RNF214: variants seen among roughly 807,000 people sequenced by gnomAD.
RNF214 encodes ring finger protein 214.
A neutral mutation model predicts 75.9 loss-of-function variants in RNF214; 25 were observed. The observed-to-expected ratio is 0.33, with a 90% CI of 0.24 to 0.46. RNF214 has a LOEUF of 0.46. Ranked by LOEUF, RNF214 falls within the 20% of genes least tolerant of loss-of-function variation. RNF214 has a pLI of 1.00. For synonymous variants in RNF214, 314 were observed against 308.8 expected (o/e 1.02, Z -0.18); for missense variants, 725 against 857.5 (o/e 0.85, Z 1.93).
intron 2 of RNF214, among the ~76,000 whole-genome samples, chr11:117,236,650 C>G (rs1314890276): frequency 1.3e-5 from 2 of 152,194 alleles, no homozygotes; most frequent in Non-Finnish European, 2.9e-5. Flanking sequence ...TACGTGGTAA[C>G]ACATTTAATC....
chr11:117,239,507 G>A (rs2033012592), intron 3 of RNF214: 1 of 469,742 alleles, frequency 2.1e-6, no homozygotes, highest in Non-Finnish European at 3.8e-6. Flanking sequence ...GTGCTTTGTT[G>A]TAGGAGAAAG....
intron 6 of RNF214, among the ~76,000 whole-genome samples, chr11:117,275,499 T>C (rs973195514): frequency 6.6e-6 from 1 of 152,164 alleles, no homozygotes; most frequent in African/African-American, 2.4e-5. Context: ...AATAGACCAT[T>C]AGGTAGATTA....
At chr11:117,251,210 A>C (rs1345574909) in intron 6 of RNF214, among the ~76,000 whole-genome samples, 4 of 107,758 alleles carry the variant, frequency 3.7e-5, no homozygotes, top group Admixed American at 9.6e-5. Flanking sequence ...GGCGCCCCGC[A>C]CCTCCCGGAC....
intron 6 of RNF214, among the ~76,000 whole-genome samples, chr11:117,266,421 G>A (rs1005299965): frequency 6.6e-6 from 1 of 151,692 alleles, no homozygotes; most frequent in Non-Finnish European, 1.5e-5. Flanking sequence ...GTGCAGTGGT[G>A]CAATCTTGGC....
chr11:117,261,017 C>T (rs935466582), intron 6 of RNF214, among the ~76,000 whole-genome samples: 1 of 151,532 alleles, frequency 6.6e-6, no homozygotes, highest in African/African-American at 2.4e-5. Flanking sequence ...TCCTTTCAAA[C>T]CCTTAAACCT....
intron 5 of RNF214, among the ~76,000 whole-genome samples, chr11:117,244,985 G>A (rs1225975244): frequency 6.6e-6 from 1 of 151,468 alleles, no homozygotes; most frequent in African/African-American, 2.4e-5. Flanking sequence ...AGCCATCCAT[G>A]CCCGGCTCAA....
At chr11:117,254,786 GCT>G (rs746508126) in intron 6 of RNF214, among the ~76,000 whole-genome samples, 29 of 151,936 alleles carry the variant, frequency 1.9e-4, no homozygotes, top group Admixed American at 3.9e-4. Context: ...ACCATGCCCG[GCT>G]AATTTTTTAT....
intron 1 of RNF214, among the ~76,000 whole-genome samples, chr11:117,232,928 A>T (rs899692355): frequency 1.1e-4 from 1 of 9,096 alleles, no homozygotes; most frequent in South Asian, 2.9e-3. Context: ...GGGGGGACCG[A>T]GGGGAAGGGG....
At chr11:117,262,672 A>G in intron 6 of RNF214, among the ~76,000 whole-genome samples, 1 of 150,476 alleles carries the variant, frequency 6.6e-6, no homozygotes, top group South Asian at 2.1e-4. Flanking sequence ...GTGAGCTACC[A>G]TGCCTGGCCC....
At chr11:117,237,602 T>A (rs664011) in intron 2 of RNF214, among the ~76,000 whole-genome samples, 109,683 of 152,028 alleles carry the variant, frequency 0.72, 41,227 homozygotes, top group East Asian at 0.94. Flanking sequence ...TGTTTTAAAG[T>A]CCCCTTTAAA....
In RNF214 at chr11:117,282,221, C is replaced by T; in HGVS notation, c.1663C>T (p.Leu555=). Residue 555 remains leucine, a synonymous_variant, in exon 11 of 15, where the codon CTG becomes TTG. Coordinates refer to ENST00000300650, the MANE Select transcript of RNF214 (RefSeq NM_207343.4). ...TCCCCGGCCCCAACCAGTAGACAAA[C>T]TGGAGAAGATCCTGGAGAAGCTGCT... ...ETPRPQPVDK[L]EKILEKLLTR... is the part of the protein sequence containing the mutation. The T allele has an allele frequency of 6.2e-7, 1 of 1,609,562 alleles. No homozygotes were observed.
chr11:117,264,147 C>G (rs1035235242), intron 6 of RNF214, among the ~76,000 whole-genome samples: 6 of 152,068 alleles, frequency 3.9e-5, no homozygotes, highest in Non-Finnish European at 7.4e-5. Flanking sequence ...ACGGTGAAAC[C>G]CCGTCTCTAC....
chr11:117,256,819 A>C (rs778345989), intron 6 of RNF214, among the ~76,000 whole-genome samples: 4 of 152,136 alleles, frequency 2.6e-5, no homozygotes, highest in Non-Finnish European at 4.4e-5. Flanking sequence ...GTTCATTGGG[A>C]GGGGCTCATC....
At chr11:117,276,413 C>A (rs1300783374) in intron 6 of RNF214, among the ~76,000 whole-genome samples, 2 of 152,042 alleles carry the variant, frequency 1.3e-5, no homozygotes, top group African/African-American at 4.8e-5. Flanking sequence ...AGTTCCAGAC[C>A]AGCTTGGGCA....
At chr11:117,233,386 C>T (rs2032788292) in intron 1 of RNF214, among the ~76,000 whole-genome samples, 1 of 152,100 alleles carries the variant, frequency 6.6e-6, no homozygotes, top group South Asian at 2.1e-4. Flanking sequence ...TGACACAGCC[C>T]CATCTACCTA....
intron 6 of RNF214, among the ~76,000 whole-genome samples, chr11:117,269,981 T>C (rs181007934): frequency 4.6e-5 from 7 of 152,326 alleles, no homozygotes; most frequent in Admixed American, 4.6e-4. Context: ...CCTGGACGTG[T>C]TGATGACTTC....
intron 6 of RNF214, among the ~76,000 whole-genome samples, chr11:117,269,602 A>G (rs1591836082): frequency 6.6e-6 from 1 of 152,218 alleles, no homozygotes; most frequent in African/African-American, 2.4e-5. Context: ...AGCTCAAGCA[A>G]TCCACCCGTC....
At chr11:117,246,985 TA>T in intron 6 of RNF214, 37 bp downstream of exon 6, 1 of 1,509,200 alleles carries the variant, frequency 6.6e-7, no homozygotes, top group Non-Finnish European at 8.9e-7. Flanking sequence ...TGTGTGTATG[TA>T]TATATGCATG....
At chr11:117,252,779 C>G (rs776398606) in intron 6 of RNF214, among the ~76,000 whole-genome samples, 1 of 152,160 alleles carries the variant, frequency 6.6e-6, no homozygotes, top group Non-Finnish European at 1.5e-5. Context: ...CTTGGCCTCC[C>G]AAAGTGCTGG....
Sources: allele counts gnomAD v4.1 joint callset (sites outside exome capture counted in the v4.1 genomes callset), GRCh38; gene constraint gnomAD v4.1.1; transcripts MANE v1.5; gene names NCBI Gene and HGNC (gene_info 2026-07-23, HGNC 2026-07-21).